The following COL24A1 variants were observed in gnomAD, a reference collection of about 807,000 sequenced individuals.
The protein encoded by COL24A1 is collagen alpha-1(XXIV) chain.
In COL24A1, 224 loss-of-function variants were observed where a neutral mutation model predicts 253.9. That is an observed-to-expected ratio of 0.88 (90% CI 0.79 to 0.99). The LOEUF (loss-of-function observed/expected upper bound fraction) is 0.99. COL24A1 is among the 50% of genes least tolerant of loss of function. The pLI, the probability that COL24A1 is intolerant of heterozygous loss-of-function variation, is 0.00. For synonymous variants in COL24A1, 685 were observed against 673.7 expected, an observed-to-expected ratio of 1.02 and a Z score of -0.26; for missense variants, 2,131 against 2,068.5, an observed-to-expected ratio of 1.03 and a Z score of -0.59.
At position 85,912,366 on chromosome 1, in the gene COL24A1, G is replaced by T. The variant is rs144543650; in HGVS notation, c.2563-933C>A. ...AAGCAAAAAGAATAACACAGAACAAGCTTGACAAGAACATAATCTCTTTCT... is the reference window on the plus strand; with the variant it reads ...AAGCAAAAAGAATAACACAGAACAATCTTGACAAGAACATAATCTCTTTCT... On this transcript the variant is annotated intron_variant, in intron 24 of 59. Coordinates refer to ENST00000370571, the MANE Select transcript of COL24A1 (RefSeq NM_152890.7). Among the ~76,000 whole-genome samples the T allele has an allele frequency of 3.5e-3, 537 of 152,202 alleles. 1 individual carries two copies. Among genetic ancestry groups the T allele is most frequent in the African/African-American group, 0.012 (519 of 41,542 alleles).
At chr1:86,006,252 C>G (rs1289575215) in intron 19 of COL24A1, among the ~76,000 whole-genome samples, 1 of 151,946 alleles carries the variant, frequency 6.6e-6, no homozygotes, top group Non-Finnish European at 1.5e-5. Flanking sequence ...TACTGGACCT[C>G]AAGACTTACT....
intron 2 of COL24A1, among the ~76,000 whole-genome samples, chr1:86,132,565 T>G (rs7528180): frequency 8.5e-5 from 13 of 152,074 alleles, no homozygotes; most frequent in Admixed American, 2.0e-4. Flanking sequence ...AAGGGATCCA[T>G]TTTCAGCTTT....
chr1:85,787,006 C>T (rs1669751723), intron 47 of COL24A1, among the ~76,000 whole-genome samples: 1 of 152,088 alleles, frequency 6.6e-6, no homozygotes, highest in East Asian at 1.9e-4. Flanking sequence ...TTTTGTAGAT[C>T]TCATGAACTA....
intron 27 of COL24A1, 117 bp from the exon 28 acceptor site, chr1:85,907,364 G>T: frequency 1.3e-6 from 1 of 780,418 alleles, no homozygotes; most frequent in Non-Finnish European, 2.1e-6. Context: ...CAATTGATTA[G>T]TCTTCCTTAA....
intron 43 of COL24A1, among the ~76,000 whole-genome samples, chr1:85,831,316 A>G (rs1191318946): frequency 6.6e-6 from 1 of 152,112 alleles, no homozygotes; most frequent in Non-Finnish European, 1.5e-5. Context: ...TGAGAATATG[A>G]GCAAACTACA....
At chr1:85,933,232 G>T (rs1428689199) in intron 24 of COL24A1, among the ~76,000 whole-genome samples, 1 of 152,078 alleles carries the variant, frequency 6.6e-6, no homozygotes, top group Non-Finnish European at 1.5e-5. Context: ...GGATGTGGTT[G>T]CAAAATTACT....
Position 85,901,027 on chromosome 1 carries a change from A to G in COL24A1, c.2779-4618T>C, listed in dbSNP as rs142230937. 1.3e-3 allele frequency among the ~76,000 whole-genome samples: 193 copies of G among 152,302 alleles called. 1 individual carries two copies. The highest frequency in any genetic ancestry group is 4.4e-3 in the African/African-American group (183 of 41,580). On this transcript the variant is annotated intron_variant, in intron 28 of 59. Coordinates refer to ENST00000370571, the MANE Select transcript of COL24A1 (RefSeq NM_152890.7). ...ATTTTTGGGTTAAAACCTCAAAAGC[A>G]CAGGAAACAAAACCAAAAATAGACA...
In COL24A1 at chr1:85,849,407, C is replaced by T. The variant is rs1220755148; in HGVS notation, c.3301-1G>A. 1.2e-6 allele frequency: 2 copies of T among 1,607,720 alleles called. No individual in the cohort carries two copies. Among genetic ancestry groups the T allele is most frequent in the Admixed American group, 1.7e-5 (1 of 59,528 alleles). ...GAATTCCCACAATTCCTTCAGGTCC[C>T]TAAAATATTCAATATAAAAAAGGAA... On this transcript the variant is annotated splice_acceptor_variant, in intron 37 of 59. Coordinates refer to ENST00000370571, the MANE Select transcript of COL24A1 (RefSeq NM_152890.7). LOFTEE classifies it high-confidence loss of function.
chr1:86,070,399 T>C (rs1206580078), intron 7 of COL24A1, among the ~76,000 whole-genome samples: 3 of 152,068 alleles, frequency 2.0e-5, no homozygotes, highest in Non-Finnish European at 4.4e-5. Context: ...GAGAAAGAGA[T>C]AGGGGTAGAA....
chr1:86,026,728 C>A (rs1422769526), intron 14 of COL24A1, among the ~76,000 whole-genome samples: 2 of 152,136 alleles, frequency 1.3e-5, no homozygotes, highest in African/African-American at 4.8e-5. Context: ...ATAAAGATAC[C>A]TGGAAATGTG....
intron 28 of COL24A1, among the ~76,000 whole-genome samples, chr1:85,901,618 C>A (rs893771360): frequency 1.3e-5 from 2 of 151,762 alleles, no homozygotes; most frequent in Non-Finnish European, 2.9e-5. Flanking sequence ...TGAGACCAGC[C>A]TGGCCAACAT....
At chr1:86,156,068 A>C in intron 1 of COL24A1, 1 of 350,614 alleles carries the variant, frequency 2.9e-6, no homozygotes, top group East Asian at 4.8e-5. Flanking sequence ...GCTGCCCTGG[A>C]CCTCGGGACT....
At chr1:85,821,668 C>G (rs188602783) in intron 45 of COL24A1, among the ~76,000 whole-genome samples, 62 of 152,214 alleles carry the variant, frequency 4.1e-4, no homozygotes, top group Non-Finnish European at 8.2e-4. Flanking sequence ...TGTATGCCAG[C>G]ATTACCCAAA....
At chr1:85,867,519 T>A (rs1679925647) in intron 37 of COL24A1, among the ~76,000 whole-genome samples, 1 of 152,184 alleles carries the variant, frequency 6.6e-6, no homozygotes. Flanking sequence ...CATTTTCTGG[T>A]AGGGTCAAAA....
At chr1:85,908,545 TTAAATTAAAG>T (rs1685062089) in intron 27 of COL24A1, 43 bp downstream of exon 27, 1 of 1,029,832 alleles carries the variant, frequency 9.7e-7, no homozygotes, top group Non-Finnish European at 1.4e-6. Flanking sequence ...ATTTATGAGT[TTAAATTAAAG>T]TAAACATTCC....
At chr1:85,768,250 C>A (rs769192390) in intron 53 of COL24A1, among the ~76,000 whole-genome samples, 1 of 151,976 alleles carries the variant, frequency 6.6e-6, no homozygotes, top group Non-Finnish European at 1.5e-5. Flanking sequence ...CAAACAGGGG[C>A]CAGTTCATGT....
intron 31 of COL24A1, among the ~76,000 whole-genome samples, chr1:85,890,717 T>G (rs1182760368): frequency 6.6e-6 from 1 of 152,198 alleles, no homozygotes; most frequent in East Asian, 1.9e-4. Context: ...ATAGTTTTAA[T>G]ATTCATATAA....
chr1:85,909,940 G>T lies in COL24A1; in HGVS notation c.2670+10C>A, dbSNP rs772952075. 4 of 1,605,288 alleles carry T rather than the reference G, an allele frequency of 2.5e-6. No individual in the cohort carries two copies. The highest frequency in any genetic ancestry group is 3.4e-6 in the Non-Finnish European group (4 of 1,172,680). ...TTGGAAACATATTTTTCAAATCACT[G>T]AGCTCTTACCATAACACCTTTTTCT... is the stretch of plus-strand genomic sequence containing the variant. On this transcript the variant is annotated intron_variant, in intron 26 of 59. Transcript: ENST00000370571.
chr1:86,122,029 G>T (rs1015640155), intron 3 of COL24A1, among the ~76,000 whole-genome samples: 25 of 152,140 alleles, frequency 1.6e-4, no homozygotes, highest in African/African-American at 6.0e-4. Context: ...AAGCAGTAAG[G>T]CAATTCCTAC....
Sources: gnomAD v4.1 joint callset for allele counts (sites outside exome capture counted in the v4.1 genomes callset) on GRCh38, gnomAD v4.1.1 for gene constraint, MANE v1.5 for transcripts, NCBI Gene and HGNC (gene_info 2026-07-23, HGNC 2026-07-21) for gene names.